ADGRB2: variants seen among roughly 807,000 people sequenced by gnomAD.
ADGRB2 encodes the protein brain-specific angiogenesis inhibitor 2.
Under a neutral mutation model 178.7 loss-of-function variants are expected in ADGRB2, and 47 were observed. The observed-to-expected ratio is 0.26, with a 90% CI of 0.21 to 0.34. The LOEUF (loss-of-function observed/expected upper bound fraction) is 0.34. Among genes scored for constraint, ADGRB2 ranks in the 10% least tolerant of loss-of-function variants. The pLI, the probability that ADGRB2 is intolerant of heterozygous loss-of-function variation, is 1.00. For synonymous variants in ADGRB2, 870 were observed against 912.4 expected (o/e 0.95, Z 0.84); for missense variants, 1,584 against 2,180.8 (o/e 0.73, Z 5.45).
chr1:31,730,827 G>C lies in ADGRB2; in HGVS notation c.4353C>G (p.Gly1451=). ...RSRTMPRTVP[G]STMKMGSLER... ...CCAGGGAGCCCATCTTCATGGTAGA[G>C]CCGGGCACGGTGCGAGGCATGGTCC... The change falls in exon 29 of 33, where the codon GGC becomes GGG. Residue 1451 remains glycine, a synonymous_variant. Transcript: ENST00000373658. 6.6e-7 allele frequency: 1 copy of C among 1,514,620 alleles called. No individual in the cohort carries two copies. The highest frequency in any genetic ancestry group is 8.8e-7 in the Non-Finnish European group (1 of 1,131,260). 93.8% of individuals were successfully genotyped at this position (1,514,620 alleles called of 1,614,324 possible).
chr1:31,746,513 C>T (rs1458620416), intron 4 of ADGRB2, among the ~76,000 whole-genome samples: 2 of 152,202 alleles, frequency 1.3e-5, no homozygotes, highest in African/African-American at 4.8e-5. Flanking sequence ...GCTGTGCCAA[C>T]TGGCACCATG....
In ADGRB2 at chr1:31,731,367, T is replaced by G; in HGVS notation, c.3813A>C (p.Leu1271=). 6.2e-7 allele frequency: 1 copy of G among 1,612,118 alleles called. No individual in the cohort carries two copies. Among genetic ancestry groups the G allele is most frequent in the Non-Finnish European group, 8.5e-7 (1 of 1,179,568 alleles). The change falls in exon 29 of 33, where the codon CTA becomes CTC. Residue 1271 remains leucine, a synonymous_variant. Transcript: ENST00000373658. ...CATCCTCATCCAGGGACAGGCGGGA[T>G]AGTGTGCCCGTGATGGTGGACGGGT... ...TCNPSTITGT[L]SRLSLDEDEE... is the part of the protein sequence containing the mutation.
chr1:31,734,195 C>T (rs1055203889), intron 25 of ADGRB2, among the ~76,000 whole-genome samples: 7 of 152,222 alleles, frequency 4.6e-5, no homozygotes, highest in African/African-American at 1.7e-4. Context: ...ATAAGAGCTA[C>T]GCTGATTAAC....
At position 31,739,576 on chromosome 1, in the gene ADGRB2, G is replaced by T. The variant is rs938049219; in HGVS notation, c.2227C>A (p.Arg743=). ...CAGTCCTTCATGCCCCGGCGGCCCC[G>T]CATGGGGAACGTGATGTCACTGGAC... ...AVSSDITFPM[R]GRRGMKDWVR... is the part of the protein sequence containing the mutation. The change falls in exon 15 of 33, where the codon CGG becomes AGG. Residue 743 remains arginine (R), a synonymous_variant. Coordinates refer to ENST00000373658, the MANE Select transcript of ADGRB2 (RefSeq NM_001364857.2). 2.5e-6 allele frequency: 4 copies of T among 1,611,040 alleles called. No individual in the cohort carries two copies. The highest frequency in any genetic ancestry group is 1.7e-4 in the Middle Eastern group (1 of 6,052).
Position 31,759,381 on chromosome 1 carries a change from GCGGGGTCTTC to G in ADGRB2, c.-190-1880_-190-1871del, listed in dbSNP as rs1338704373. 1 of 779,668 alleles carries G rather than the reference GCGGGGTCTTC, an allele frequency of 1.3e-6. No individual in the cohort carries two copies. Among genetic ancestry groups the G allele is most frequent in the Non-Finnish European group, 2.4e-6 (1 of 417,928 alleles). The allele number at this position is 779,668 out of a possible 1,614,324, so 48.3% of individuals were successfully genotyped here. On this transcript the variant is annotated intron_variant, in intron 1 of 32. Transcript: ENST00000373658. The surrounding 1 kb of genome is among the most constrained non-coding windows in gnomAD (Gnocchi z 4.3). ...AGCTAAGTGTCAGGCAGGATCCTCT[GCGGGGTCTTC>G]CTTTGCATGTCTGAAGCTGGATCTC...
intron 28 of ADGRB2, 98 bp from the exon 29 acceptor site, chr1:31,731,517 G>A: frequency 7.0e-7 from 1 of 1,425,028 alleles, no homozygotes; most frequent in Non-Finnish European, 9.4e-7. Context: ...TCTGCGCTTG[G>A]ACAGGAAAGG....
rs74660629 is a variant in ADGRB2 at position 31,740,895 on chromosome 1, G to A, written c.1795-354C>T. ...AATGAGCATGTGTGTGGGCGCGCGC[G>A]CACACACACACACACACACACACAC... On this transcript the variant is annotated intron_variant, in intron 11 of 32. Transcript: ENST00000373658. This position sits in a 1 kb window ranked among gnomAD's most constrained non-coding sequence, Gnocchi z 5.9. 3.6e-3 allele frequency among the ~76,000 whole-genome samples: 504 copies of A among 140,462 alleles called. 6 individuals carry two copies. The highest frequency in any genetic ancestry group is 0.012 in the African/African-American group (454 of 37,548). The allele number at this position is 140,462 out of a possible 152,430, so 92.1% of individuals were successfully genotyped here.
chr1:31,739,510 C>A lies in ADGRB2; in HGVS notation c.2293G>T (p.Val765Leu), dbSNP rs551991622. 3.0e-5 allele frequency: 48 copies of A among 1,613,106 alleles called. No individual in the cohort carries two copies. In the South Asian group the frequency reaches 4.8e-4, roughly 16 times the overall value. The change falls in exon 15 of 33, where the codon GTG becomes TTG. Residue 765 changes from valine to leucine, a missense_variant. Around this residue, in one of 3 missense-constraint regions of ADGRB2, gnomAD observed 865 missense variants for 1,192.8 expected, o/e 0.73. Transcript: ENST00000373658. Reference protein sequence around the residue: ...SEDRLFLPKEVLSLSSPGKPA... With the variant: ...SEDRLFLPKELLSLSSPGKPA... ...TTCCCTGGGGAGGAGAGGCTGAGCA[C>A]CTCCTTGGGCAGGAAGAGGCGGTCC...
At chr1:31,745,306 C>T (rs147634559) in intron 4 of ADGRB2, among the ~76,000 whole-genome samples, 2 of 152,332 alleles carry the variant, frequency 1.3e-5, no homozygotes, top group East Asian at 3.9e-4. Flanking sequence ...CCTGGAGGCA[C>T]AGGTCAGAAT....
In ADGRB2 at chr1:31,735,872, G is replaced by A. The variant is rs113351457; in HGVS notation, c.3222C>T (p.Gly1074=). The A allele has an allele frequency of 5.0e-3, 7,942 of 1,602,994 alleles. 46 individuals are homozygous for A. The highest frequency in any genetic ancestry group is 0.022 in the East Asian group (983 of 44,402). Residue 1074 remains glycine, a synonymous_variant, in exon 23 of 33, where the codon GGC becomes GGT. Coordinates refer to ENST00000373658, the MANE Select transcript of ADGRB2 (RefSeq NM_001364857.2). The surrounding 1 kb of genome is among the most constrained non-coding windows in gnomAD (Gnocchi z 6.0). ...TSSYCWLSLE[G]GLLYAFVGPA... is the part of the protein sequence containing the mutation. ...GGCCCACAAAGGCGTAGAGCAGGCC[G>A]CCCTCCAGGGAGAGCCAGCAGCTGG...
In ADGRB2 at chr1:31,740,073, G is replaced by A. The variant is rs1645849982; in HGVS notation, c.2058+37C>T. ...GTGTGTAAGGGTCCAAGGCAGGGTG[G>A]GTCACGGGAGGAGAAGCTGGCAGCT... On this transcript the variant is annotated intron_variant, in intron 13 of 32. Transcript: ENST00000373658. This position sits in a 1 kb window ranked among gnomAD's most constrained non-coding sequence, Gnocchi z 5.9. 2.5e-6 allele frequency: 4 copies of A among 1,614,108 alleles called. No individual in the cohort carries two copies. Among genetic ancestry groups the A allele is most frequent in the Non-Finnish European group, 2.5e-6 (3 of 1,179,984 alleles).
At chr1:31,730,005 C>T (rs1489073068) in intron 29 of ADGRB2, among the ~76,000 whole-genome samples, 3 of 152,234 alleles carry the variant, frequency 2.0e-5, no homozygotes, top group South Asian at 2.1e-4. Flanking sequence ...TGAGGCCGAG[C>T]AGGAACAGCC....
chr1:31,727,966 G>A lies in ADGRB2; in HGVS notation c.4572+59C>T. ...GGGGTTGCCTGGGAGGGGCAGGAGG[G>A]CAGGGAGGGCACGGGTCCCTCAGGC... On this transcript the variant is annotated intron_variant, in intron 32 of 32. Transcript: ENST00000373658. The surrounding 1 kb of genome is among the most constrained non-coding windows in gnomAD (Gnocchi z 4.4). The A allele has an allele frequency of 1.3e-6, 2 of 1,506,820 alleles. No homozygotes were observed. The highest frequency in any genetic ancestry group is 1.8e-6 in the Non-Finnish European group (2 of 1,128,234). The allele number at this position is 1,506,820 out of a possible 1,614,324, so 93.3% of individuals were successfully genotyped here. A position where few individuals can be genotyped will look rare whatever the true frequency, so the allele number is the denominator to read the frequency against.
At position 31,753,280 on chromosome 1, in the gene ADGRB2, G is replaced by A. The variant is rs1646670624; in HGVS notation, c.838+2719C>T. On this transcript the variant is annotated intron_variant, in intron 4 of 32. Transcript: ENST00000373658. This position sits in a 1 kb window ranked among gnomAD's most constrained non-coding sequence, Gnocchi z 4.1. Reference sequence around the variant, plus strand: ...CCCACTTAACAGATTGCGGCAGCAAGATGGCACAAATTTATGGCTCAACTC... The same window carrying A: ...CCCACTTAACAGATTGCGGCAGCAAAATGGCACAAATTTATGGCTCAACTC... 6.6e-6 allele frequency among the ~76,000 whole-genome samples: 1 copy of A among 152,214 alleles called. No homozygotes were observed. The highest frequency in any genetic ancestry group is 2.1e-4 in the South Asian group (1 of 4,834).
Position 31,737,991 on chromosome 1 carries a change from ACAC to A in ADGRB2, c.2772+206_2772+208del, listed in dbSNP as rs1277224056. Among the ~76,000 whole-genome samples, 30 of 152,272 alleles carry A rather than the reference ACAC, an allele frequency of 2.0e-4. 2 individuals are homozygous for A. Among genetic ancestry groups the A allele is most frequent in the Admixed American group, 1.0e-3 (16 of 15,304 alleles). Reference sequence around the variant, plus strand: ...GACACACACATGTGCACACACACACACACAACTGGCCACTGCCGCATACCCCCA... The same window carrying A: ...GACACACACATGTGCACACACACACAAACTGGCCACTGCCGCATACCCCCA... On this transcript the variant is annotated intron_variant, in intron 18 of 32. Coordinates refer to ENST00000373658, the MANE Select transcript of ADGRB2 (RefSeq NM_001364857.2).
intron 1 of ADGRB2, among the ~76,000 whole-genome samples, chr1:31,763,221 G>T (rs905597655): frequency 3.3e-5 from 5 of 150,902 alleles, no homozygotes; most frequent in African/African-American, 1.2e-4. Context: ...CGGGGGACAC[G>T]GCCCCAATTC....
intron 28 of ADGRB2, among the ~76,000 whole-genome samples, chr1:31,731,891 C>G (rs1645304859): frequency 6.6e-6 from 1 of 152,220 alleles, no homozygotes; most frequent in Admixed American, 6.5e-5. Flanking sequence ...GGACAGTATT[C>G]TCTCCTTTAC....
rs1645543614 is a variant in ADGRB2, at chr1:31,735,474, G to C, written c.3353+106C>G. On this transcript the variant is annotated intron_variant, in intron 24 of 32. Coordinates refer to ENST00000373658, the MANE Select transcript of ADGRB2 (RefSeq NM_001364857.2). The surrounding 1 kb of genome is among the most constrained non-coding windows in gnomAD (Gnocchi z 6.0). Reference sequence around the variant, plus strand: ...CTGCAACCTTGATGCACCAAGGTTGGGGAGCCCCGGTCGCATCATCGAGCC... The same window carrying C: ...CTGCAACCTTGATGCACCAAGGTTGCGGAGCCCCGGTCGCATCATCGAGCC... The C allele has an allele frequency of 1.4e-6, 2 of 1,424,284 alleles. No individual in the cohort carries two copies. The highest frequency in any genetic ancestry group is 1.9e-6 in the Non-Finnish European group (2 of 1,028,734). 88.2% of individuals were successfully genotyped at this position (1,424,284 alleles called of 1,614,324 possible).
chr1:31,763,984 G>C lies in ADGRB2; in HGVS notation c.-291C>G. 1 of 982,734 alleles carries C rather than the reference G, an allele frequency of 1.0e-6. No homozygotes were observed. Among genetic ancestry groups the C allele is most frequent in the African/African-American group, 1.8e-5 (1 of 56,830 alleles). The allele number at this position is 982,734 out of a possible 1,614,324, so 60.9% of individuals were successfully genotyped here. ...AGTCGGGGACCGGGCCGGGCGCAGG[G>C]TAGGTAGCTGCAGCCGCGCGGAGGG... On this transcript the variant is annotated 5_prime_UTR_variant, in exon 1 of 33. Coordinates refer to ENST00000373658, the MANE Select transcript of ADGRB2 (RefSeq NM_001364857.2).
Sources: allele counts gnomAD v4.1 joint callset (sites outside exome capture counted in the v4.1 genomes callset), GRCh38; gene constraint gnomAD v4.1.1; regional missense constraint gnomAD v4.1.1; non-coding constraint Gnocchi (gnomAD v3.1); transcripts MANE v1.5; gene names NCBI Gene and HGNC (gene_info 2026-07-23, HGNC 2026-07-21).